WDR81: variants seen among roughly 807,000 people sequenced by gnomAD.
WDR81 encodes WD repeat-containing protein 81.
Under a neutral mutation model 140.8 loss-of-function variants are expected in WDR81, and 92 were observed. The observed-to-expected ratio is 0.65, with a 90% CI of 0.55 to 0.78. The LOEUF is 0.78. Among genes scored for constraint, WDR81 ranks in the 30% least tolerant of loss-of-function variants. The pLI, the probability that WDR81 is intolerant of heterozygous loss-of-function variation, is 0.00. For missense variants in WDR81, 2,502 were observed against 2,636.4 expected, an observed-to-expected ratio of 0.95 and a Z score of 1.12; for synonymous variants, 1,183 against 1,156.4, an observed-to-expected ratio of 1.02 and a Z score of -0.47.
In WDR81 at chr17:1,737,416, G is replaced by T; in HGVS notation, c.5557G>T (p.Val1853Phe). ...VSSSSDHSLT[V>F]WKELEQKPTH... ...CTCCTCCTCTGACCATTCCTTGACC[G>T]TCTGGAAGGAGCTGGAGCAGAAGCC... The change falls in exon 10 of 10, where the codon GTC becomes TTC. Residue 1853 changes from valine (V) to phenylalanine (F), a missense_variant. By Grantham distance (50) the Val-to-Phe change is conservative. Around this residue, in one of 3 missense-constraint regions of WDR81, gnomAD observed 1,737 missense variants for 1,843.0 expected, o/e 0.94. Transcript: ENST00000409644. The T allele has an allele frequency of 6.2e-7, 1 of 1,612,882 alleles. No individual in the cohort carries two copies. Among genetic ancestry groups the T allele is most frequent in the Non-Finnish European group, 8.5e-7 (1 of 1,179,940 alleles).
Position 1,726,276 on chromosome 17 carries a change from C to G in WDR81, c.1317C>G (p.His439Gln). Reference sequence around the variant, plus strand: ...GCGGGGAACCCCCTCATGTTCCCCACCACATCTCAGACGTGCTCTCCGACA... The same window carrying G: ...GCGGGGAACCCCCTCATGTTCCCCAGCACATCTCAGACGTGCTCTCCGACA... Reference protein sequence around the residue: ...AGGGEPPHVPHHISDVLSDIT... With the variant: ...AGGGEPPHVPQHISDVLSDIT... Residue 439 changes from histidine (H) to glutamine (Q), a missense_variant, in exon 1 of 10, where the codon CAC (histidine) becomes CAG (glutamine). By Grantham distance (24) the His-to-Gln change is conservative (BLOSUM62 0). This residue lies in a region of WDR81 where 218 missense variants were observed against 279.6 expected (regional missense o/e 0.78). Transcript: ENST00000409644. The G allele has an allele frequency of 6.5e-7, 1 of 1,540,076 alleles. No homozygotes were observed. Among genetic ancestry groups the G allele is most frequent in the Non-Finnish European group, 8.8e-7 (1 of 1,140,908 alleles).
At position 1,726,664 on chromosome 17, in the gene WDR81, G is replaced by C. The variant is rs1351577991; in HGVS notation, c.1705G>C (p.Val569Leu). 6.5e-7 allele frequency: 1 copy of C among 1,550,086 alleles called. No individual in the cohort carries two copies. The highest frequency in any genetic ancestry group is 8.7e-7 in the Non-Finnish European group (1 of 1,146,994). The change falls in exon 1 of 10, where the codon GTG becomes CTG. Residue 569 changes from valine to leucine, a missense_variant. Physicochemically the swap from Val to Leu is conservative, Grantham distance 32 (BLOSUM62 1). This residue lies in a region of WDR81 where 218 missense variants were observed against 279.6 expected (regional missense o/e 0.78). Coordinates refer to ENST00000409644, the MANE Select transcript of WDR81 (RefSeq NM_001163809.2). The stretch of plus-strand genomic sequence containing the variant: ...GGAAAAGAATGTGTGTCTGCACCTG[G>C]TGGACGCCCACACTCACCTGGCCAG... ...VKEKNVCLHLVDAHTHLASYG... is the reference protein window; with the variant it reads ...VKEKNVCLHLLDAHTHLASYG...
chr17:1,727,575 C>T lies in WDR81; in HGVS notation c.2616C>T (p.Pro872=). 1 of 1,550,518 alleles carries T rather than the reference C, an allele frequency of 6.4e-7. No individual in the cohort carries two copies. Among genetic ancestry groups the T allele is most frequent in the African/African-American group, 1.4e-5 (1 of 73,182 alleles). Residue 872 remains proline (P), a synonymous_variant, in exon 1 of 10, where the codon CCC becomes CCT. Transcript: ENST00000409644. ...QLLSPFSSVV[P]FPPYFPALHR... ...TCAGCCCCTTCAGCTCCGTGGTTCC[C>T]TTCCCACCCTACTTCCCGGCACTGC...
chr17:1,736,114 G>A lies in WDR81; in HGVS notation c.5401G>A (p.Val1801Ile), dbSNP rs1382362552. 3 of 1,602,704 alleles carry A rather than the reference G, an allele frequency of 1.9e-6. No homozygotes were observed. The highest frequency in any genetic ancestry group is 1.7e-4 in the Middle Eastern group (1 of 6,050). ...ALAISPSGRS[V>I]VAGFSSGFMV... is the part of the protein sequence containing the mutation. Reference sequence around the variant, plus strand: ...GGCCATCAGCCCCAGTGGCCGTAGTGTCGTGGCCGGCTTCTCCTCAGGCTT... The same window carrying A: ...GGCCATCAGCCCCAGTGGCCGTAGTATCGTGGCCGGCTTCTCCTCAGGCTT... Residue 1801 changes from valine to isoleucine, a missense_variant, in exon 9 of 10, where the codon GTC becomes ATC. Val to Ile is a conservative substitution (Grantham distance 29, BLOSUM62 3). Coordinates refer to ENST00000409644, the MANE Select transcript of WDR81 (RefSeq NM_001163809.2).
chr17:1,732,753 G>A lies in WDR81; in HGVS notation c.4411G>A (p.Ala1471Thr), dbSNP rs769333879. 78 of 1,612,968 alleles carry A rather than the reference G, an allele frequency of 4.8e-5. No individual in the cohort carries two copies. The highest frequency in any genetic ancestry group is 5.7e-5 in the Non-Finnish European group (67 of 1,179,892). The change falls in exon 6 of 10, where the codon GCC (alanine) becomes ACC (threonine). Residue 1471 changes from alanine (A) to threonine (T), a missense_variant. This residue lies in a region of WDR81 where 1,737 missense variants were observed against 1,843.0 expected (regional missense o/e 0.94). Coordinates refer to ENST00000409644, the MANE Select transcript of WDR81 (RefSeq NM_001163809.2). Reference protein sequence around the residue: ...SDGQQRPVDPALLDELQKVFT... With the variant: ...SDGQQRPVDPTLLDELQKVFT... ...TGGGCAGCAGCGGCCCGTGGACCCC[G>A]CCCTGCTGGACGAGCTGCAGAAGGT...
At chr17:1,718,240 C>T (rs552576885) in intron 1 of WDR81, among the ~76,000 whole-genome samples, 1 of 152,246 alleles carries the variant, frequency 6.6e-6, no homozygotes, top group Non-Finnish European at 1.5e-5. Context: ...CCTTCAGCCT[C>T]CTGAGTAGCT....
rs1915277988 is a variant in WDR81 at position 1,726,449 on chromosome 17, C to T, written c.1490C>T (p.Thr497Ile). The change falls in exon 1 of 10, where the codon ACC becomes ATC. Residue 497 changes from threonine (T) to isoleucine (I), a missense_variant. Coordinates refer to ENST00000409644, the MANE Select transcript of WDR81 (RefSeq NM_001163809.2). ...GATGAGTGCATTCCGGAGTTCTACACCGATCCCTCTATCTTCCGCTCCATC... is the reference window on the plus strand; with the variant it reads ...GATGAGTGCATTCCGGAGTTCTACATCGATCCCTCTATCTTCCGCTCCATC... ...TPDECIPEFY[T>I]DPSIFRSIHP... 11 of 1,550,498 alleles carry T rather than the reference C, an allele frequency of 7.1e-6. No homozygotes were observed. The highest frequency in any genetic ancestry group is 6.1e-6 in the Non-Finnish European group (7 of 1,147,002).
At position 1,727,004 on chromosome 17, in the gene WDR81, C is replaced by G; in HGVS notation, c.2045C>G (p.Ser682Cys). 6.4e-7 allele frequency: 1 copy of G among 1,550,414 alleles called. No homozygotes were observed. Among genetic ancestry groups the G allele is most frequent in the Non-Finnish European group, 8.7e-7 (1 of 1,146,982 alleles). The stretch of plus-strand genomic sequence containing the variant: ...AAAGCAGGTGACCAGCTGGGCTCCT[C>G]CAGTCAAGCGTCCCCTGGACTTCTC... ...AGKAGDQLGSSSQASPGLLSF... is the reference protein window; with the variant it reads ...AGKAGDQLGSCSQASPGLLSF... Residue 682 changes from serine (S) to cysteine (C), a missense_variant, in exon 1 of 10, where the codon TCC becomes TGC. Coordinates refer to ENST00000409644, the MANE Select transcript of WDR81 (RefSeq NM_001163809.2).
chr17:1,718,343 C>T (rs1914698515), intron 1 of WDR81, among the ~76,000 whole-genome samples: 1 of 152,206 alleles, frequency 6.6e-6, no homozygotes. Flanking sequence ...GTCTCGAACT[C>T]CTCACCTCAG....
rs75112941 is a variant in WDR81 at position 1,735,897 on chromosome 17, G to T, written c.5326-142G>T. On this transcript the variant is annotated intron_variant, in intron 8 of 9. Coordinates refer to ENST00000409644, the MANE Select transcript of WDR81 (RefSeq NM_001163809.2). The surrounding 1 kb of genome is among the most constrained non-coding windows in gnomAD (Gnocchi z 4.2). ...GGCAGGACTCTGGCCTGTGATGGGG[G>T]TGGGGTTCTGGGCTTTTCATGCCCC... 1 of 1,378,932 alleles carries T rather than the reference G, an allele frequency of 7.3e-7. No individual in the cohort carries two copies. The highest frequency in any genetic ancestry group is 9.7e-7 in the Non-Finnish European group (1 of 1,034,534). 85.4% of individuals were successfully genotyped at this position (1,378,932 alleles called of 1,614,324 possible).
chr17:1,725,329 C>T lies in WDR81; in HGVS notation c.370C>T (p.Pro124Ser), dbSNP rs1479545781. Residue 124 changes from proline to serine, a missense_variant, in exon 1 of 10, where the codon CCC becomes TCC. Around this residue, in one of 3 missense-constraint regions of WDR81, gnomAD observed 547 missense variants for 513.8 expected, o/e 1.06. Transcript: ENST00000409644. ...RLSYPLGGGL[P>S]FEDGSCGPET... ...GTCCTACCCTCTGGGCGGGGGCCTG[C>T]CCTTTGAGGACGGGTCCTGCGGCCC... 5 of 1,548,796 alleles carry T rather than the reference C, an allele frequency of 3.2e-6. No individual in the cohort carries two copies. The highest frequency in any genetic ancestry group is 4.4e-6 in the Non-Finnish European group (5 of 1,146,980).
At position 1,725,312 on chromosome 17, in the gene WDR81, C is replaced by T; in HGVS notation, c.353C>T (p.Pro118Leu). Reference sequence around the variant, plus strand: ...CTGCGGAAGCGGAGACTGTCCTACCCTCTGGGCGGGGGCCTGCCCTTTGAG... The same window carrying T: ...CTGCGGAAGCGGAGACTGTCCTACCTTCTGGGCGGGGGCCTGCCCTTTGAG... ...HGLRKRRLSY[P>L]LGGGLPFEDG... The change falls in exon 1 of 10, where the codon CCT (proline) becomes CTT (leucine). Residue 118 changes from proline (P) to leucine (L), a missense_variant. By Grantham distance (98) the Pro-to-Leu change is moderately conservative. Transcript: ENST00000409644. 6.5e-7 allele frequency: 1 copy of T among 1,548,500 alleles called. No individual in the cohort carries two copies. Among genetic ancestry groups the T allele is most frequent in the East Asian group, 2.4e-5 (1 of 40,926 alleles).
intron 4 of WDR81, 138 bp downstream of exon 4, chr17:1,731,396 C>A: frequency 9.6e-7 from 1 of 1,037,996 alleles, no homozygotes; most frequent in Non-Finnish European, 1.4e-6. Context: ...GCTGTGTGAC[C>A]CTGAGCAAAC....
rs374149596 is a variant in WDR81 at position 1,725,441 on chromosome 17, C to G, written c.482C>G (p.Pro161Arg). 6.5e-7 allele frequency: 1 copy of G among 1,549,440 alleles called. No individual in the cohort carries two copies. Among genetic ancestry groups the G allele is most frequent in the Non-Finnish European group, 8.7e-7 (1 of 1,146,988 alleles). Residue 161 changes from proline (P) to arginine (R), a missense_variant, in exon 1 of 10, where the codon CCG (proline) becomes CGG (arginine). Pro to Arg is a moderately radical substitution (Grantham distance 103). Coordinates refer to ENST00000409644, the MANE Select transcript of WDR81 (RefSeq NM_001163809.2). ...CATGCATACCACACTTACGGCCAGC[C>G]GTACAGTCACAGCCCTGCCCCCTCA... ...WRHAYHTYGQ[P>R]YSHSPAPSAV...
At chr17:1,724,416 C>CTTAA (rs1298321503), upstream of WDR81, 2 of 938,824 alleles carry the variant, frequency 2.1e-6, no homozygotes, top group African/African-American at 3.6e-5. Context: ...GCGGTCCGCA[C>CTTAA]TTAACTAAGA....
Position 1,725,704 on chromosome 17 carries a change from A to C in WDR81, c.745A>C (p.Ser249Arg). 6.5e-7 allele frequency: 1 copy of C among 1,549,978 alleles called. No homozygotes were observed. Among genetic ancestry groups the C allele is most frequent in the Non-Finnish European group, 8.7e-7 (1 of 1,147,024 alleles). Reference protein sequence around the residue: ...QFSLHDVVTFSPAKLTNSQAK... With the variant: ...QFSLHDVVTFRPAKLTNSQAK... The stretch of plus-strand genomic sequence containing the variant: ...CTCCCTACATGACGTGGTCACCTTC[A>C]GCCCTGCCAAGCTGACCAACAGCCA... Residue 249 changes from serine to arginine, a missense_variant, in exon 1 of 10, where the codon AGC becomes CGC. Ser to Arg is a moderately radical substitution (Grantham distance 110). Around this residue, in one of 3 missense-constraint regions of WDR81, gnomAD observed 547 missense variants for 513.8 expected, o/e 1.06. Transcript: ENST00000409644.
In WDR81 at chr17:1,735,447, T is replaced by G; in HGVS notation, c.5180-125T>G. Reference sequence around the variant, plus strand: ...CCATCTCAAAAAAAGAGAAACATCTTTAGCATTTTCTAAGGATCCCTGGGG... The same window carrying G: ...CCATCTCAAAAAAAGAGAAACATCTGTAGCATTTTCTAAGGATCCCTGGGG... On this transcript the variant is annotated intron_variant, in intron 7 of 9. Coordinates refer to ENST00000409644, the MANE Select transcript of WDR81 (RefSeq NM_001163809.2). The surrounding 1 kb of genome is among the most constrained non-coding windows in gnomAD (Gnocchi z 4.2). 1 of 1,050,414 alleles carries G rather than the reference T, an allele frequency of 9.5e-7. No individual in the cohort carries two copies. The highest frequency in any genetic ancestry group is 1.8e-5 in the South Asian group (1 of 55,220). The allele number at this position is 1,050,414 out of a possible 1,614,324, so 65.1% of individuals were successfully genotyped here.
chr17:1,731,136 G>C lies in WDR81; in HGVS notation c.4035G>C (p.Ala1345=), dbSNP rs553951927. The change falls in exon 4 of 10, where the codon GCG becomes GCC. Residue 1345 remains alanine (A), a synonymous_variant. Transcript: ENST00000409644. ...NSRKEAGLLA[A]VTLTQKIIVY... ...GTAAGGAGGCGGGGCTGCTGGCCGC[G>C]GTGACGCTGACTCAGAAGATCATCG... is the stretch of plus-strand genomic sequence containing the variant. The C allele has an allele frequency of 6.2e-7, 1 of 1,613,288 alleles. No individual in the cohort carries two copies. Among genetic ancestry groups the C allele is most frequent in the Non-Finnish European group, 8.5e-7 (1 of 1,179,996 alleles).
intron 1 of WDR81, among the ~76,000 whole-genome samples, chr17:1,719,561 A>G (rs200380243): frequency 2.2e-5 from 2 of 89,670 alleles, no homozygotes; most frequent in Non-Finnish European, 4.9e-5. Flanking sequence ...AAAAAGAAAA[A>G]AAAAAAAAAA....
Sources: gnomAD v4.1 joint callset for allele counts (sites outside exome capture counted in the v4.1 genomes callset) on GRCh38, gnomAD v4.1.1 for gene constraint, gnomAD v4.1.1 regional missense constraint, Gnocchi (gnomAD v3.1) non-coding constraint, MANE v1.5 for transcripts, NCBI Gene and HGNC (gene_info 2026-07-23, HGNC 2026-07-21) for gene names.